HIVEP3: variants seen among roughly 807,000 people sequenced by gnomAD.
HIVEP3 encodes the protein HIVEP zinc finger 3.
A neutral mutation model predicts 152.8 loss-of-function variants in HIVEP3; 49 were observed. The ratio of observed to expected loss-of-function variants is 0.32; its 90% confidence interval spans 0.26 to 0.41. The LOEUF (loss-of-function observed/expected upper bound fraction) is 0.41. Ranked by LOEUF, HIVEP3 falls within the 10% of genes least tolerant of loss-of-function variation. HIVEP3 has a pLI of 1.00. For synonymous variants in HIVEP3, 1,269 were observed against 1,289.0 expected (o/e 0.98, Z 0.33); for missense variants, 2,790 against 3,103.3 (o/e 0.90, Z 2.40).
chr1:41,581,697 C>T lies in HIVEP3; in HGVS notation c.3101G>A (p.Arg1034Gln), dbSNP rs149958873. ...TTTTCTTCTCTCTGGCGGGGCCACC[C>T]GCGCTGGTGGAGCCACTGGGGCTGG... ...SAPAPVAPPARVAPPERRKCF... is the reference protein window; with the variant it reads ...SAPAPVAPPAQVAPPERRKCF... Residue 1034 changes from arginine (R) to glutamine (Q), a missense_variant, in exon 4 of 9, where the codon CGG (arginine) becomes CAG (glutamine). By Grantham distance (43) the Arg-to-Gln change is conservative (BLOSUM62 1). This residue lies in a region of HIVEP3 where 1,078 missense variants were observed against 1,165.3 expected (regional missense o/e 0.93). Coordinates refer to ENST00000372583, the MANE Select transcript of HIVEP3 (RefSeq NM_024503.5). This position sits in a 1 kb window ranked among gnomAD's most constrained non-coding sequence, Gnocchi z 4.5. The T allele has an allele frequency of 1.9e-5, 31 of 1,613,496 alleles. No individual in the cohort carries two copies. The highest frequency in any genetic ancestry group is 2.2e-5 in the Non-Finnish European group (26 of 1,179,812).
intron 1 of HIVEP3, among the ~76,000 whole-genome samples, chr1:42,013,187 T>C (rs933960429): frequency 6.6e-6 from 1 of 152,202 alleles, no homozygotes; most frequent in Non-Finnish European, 1.5e-5. Flanking sequence ...ATCTTCTCTG[T>C]ATGCATGGCT....
At chr1:41,806,714 G>A (rs1650637544) in intron 1 of HIVEP3, among the ~76,000 whole-genome samples, 1 of 152,218 alleles carries the variant, frequency 6.6e-6, no homozygotes, top group Non-Finnish European at 1.5e-5. Flanking sequence ...TGGGCAAGGA[G>A]GCCTTGGAAG....
At chr1:41,884,963 C>G (rs1314896802) in intron 1 of HIVEP3, among the ~76,000 whole-genome samples, 1 of 152,220 alleles carries the variant, frequency 6.6e-6, no homozygotes, top group Non-Finnish European at 1.5e-5. Context: ...ATATCTAAGT[C>G]TGACTGTGGA....
intron 1 of HIVEP3, among the ~76,000 whole-genome samples, chr1:41,713,160 C>T (rs2124152843): frequency 6.6e-6 from 1 of 152,336 alleles, no homozygotes; most frequent in African/African-American, 2.4e-5. Flanking sequence ...GCTTGGTAGG[C>T]ACGGACACCT....
At chr1:41,605,469 C>T (rs1226365966) in intron 3 of HIVEP3, among the ~76,000 whole-genome samples, 1 of 151,628 alleles carries the variant, frequency 6.6e-6, no homozygotes, top group Non-Finnish European at 1.5e-5. Context: ...GTGTACATAA[C>T]TGTATGTATG....
chr1:41,865,363 G>A (rs1406022659), intron 1 of HIVEP3, among the ~76,000 whole-genome samples: 1 of 152,180 alleles, frequency 6.6e-6, no homozygotes, highest in African/African-American at 2.4e-5. Context: ...CTCTGGCGGT[G>A]ATAGCAGGGG....
chr1:41,730,482 C>G (rs537643116), intron 1 of HIVEP3, among the ~76,000 whole-genome samples: 2 of 152,366 alleles, frequency 1.3e-5, no homozygotes, highest in East Asian at 3.9e-4. Context: ...GAAGAGCCAG[C>G]TCCCCATCAG....
intron 1 of HIVEP3, among the ~76,000 whole-genome samples, chr1:41,823,606 C>T (rs1642671122): frequency 6.6e-6 from 1 of 152,222 alleles, no homozygotes; most frequent in Non-Finnish European, 1.5e-5. Flanking sequence ...CTGCCCTCTA[C>T]CTCATTCTAC....
intron 1 of HIVEP3, among the ~76,000 whole-genome samples, chr1:41,908,653 A>G (rs1160151844): frequency 6.6e-6 from 1 of 152,220 alleles, no homozygotes; most frequent in Non-Finnish European, 1.5e-5. Flanking sequence ...AGTGGATTCA[A>G]TATATAGCCA....
chr1:41,657,697 C>T (rs911176728), intron 2 of HIVEP3, among the ~76,000 whole-genome samples: 5 of 152,220 alleles, frequency 3.3e-5, no homozygotes, highest in Non-Finnish European at 7.3e-5. Flanking sequence ...AGCATTCCCA[C>T]ATCACAGATC....
At chr1:41,744,175 A>G (rs570419212) in intron 1 of HIVEP3, among the ~76,000 whole-genome samples, 1 of 152,224 alleles carries the variant, frequency 6.6e-6, no homozygotes, top group African/African-American at 2.4e-5. Flanking sequence ...AGTAGCTGGG[A>G]CTACAGGCGC....
chr1:41,562,569 C>T (rs1644085257), intron 5 of HIVEP3, among the ~76,000 whole-genome samples: 1 of 149,624 alleles, frequency 6.7e-6, no homozygotes, highest in Admixed American at 6.7e-5. Context: ...TTCCTTCTTT[C>T]CTTCTTTTCC....
chr1:41,615,624 G>A (rs1644956960), intron 3 of HIVEP3, among the ~76,000 whole-genome samples: 1 of 152,168 alleles, frequency 6.6e-6, no homozygotes, highest in Non-Finnish European at 1.5e-5. Context: ...GAGTCTAACA[G>A]GAAAAGACTG....
At chr1:41,635,905 C>T (rs565271719) in intron 2 of HIVEP3, among the ~76,000 whole-genome samples, 2 of 152,080 alleles carry the variant, frequency 1.3e-5, no homozygotes, top group South Asian at 4.2e-4. Context: ...AGGGAGAAAA[C>T]CTAGGTAGAC....
At chr1:42,010,132 C>T (rs1645484740) in intron 1 of HIVEP3, among the ~76,000 whole-genome samples, 1 of 152,128 alleles carries the variant, frequency 6.6e-6, no homozygotes, top group African/African-American at 2.4e-5. Context: ...TGGCCTCAAG[C>T]AGTCCTCCTA....
intron 1 of HIVEP3, among the ~76,000 whole-genome samples, chr1:41,928,745 G>C (rs1168850729): frequency 2.0e-5 from 3 of 152,172 alleles, no homozygotes; most frequent in Non-Finnish European, 4.4e-5. Context: ...GGGTTTGTCT[G>C]ATGTTTTTTC....
intron 1 of HIVEP3, among the ~76,000 whole-genome samples, chr1:41,742,204 T>C (rs1429577345): frequency 6.6e-6 from 1 of 152,078 alleles, no homozygotes; most frequent in Non-Finnish European, 1.5e-5. Flanking sequence ...ACGCTCATCT[T>C]TTCTTCCATT....
chr1:41,882,862 T>C (rs1158402116), intron 1 of HIVEP3, among the ~76,000 whole-genome samples: 1 of 152,192 alleles, frequency 6.6e-6, no homozygotes, highest in Non-Finnish European at 1.5e-5. Flanking sequence ...GGAGTTGGGA[T>C]AGGATTTCCT....
At chr1:41,810,462 A>G (rs1218342063) in intron 1 of HIVEP3, among the ~76,000 whole-genome samples, 3 of 152,194 alleles carry the variant, frequency 2.0e-5, no homozygotes, top group Non-Finnish European at 4.4e-5. Context: ...TGTCCATCTT[A>G]GGTCCCTTGC....
Sources: allele counts gnomAD v4.1 joint callset (sites outside exome capture counted in the v4.1 genomes callset), GRCh38; gene constraint gnomAD v4.1.1; regional missense constraint gnomAD v4.1.1; non-coding constraint Gnocchi (gnomAD v3.1); transcripts MANE v1.5; gene names NCBI Gene and HGNC (gene_info 2026-07-23, HGNC 2026-07-21).